FGF12: variants seen among roughly 807,000 people sequenced by gnomAD.
The protein encoded by FGF12 is fibroblast growth factor 12B.
A neutral mutation model predicts 23.6 loss-of-function variants in FGF12; 14 were observed. That is an observed-to-expected ratio of 0.59 (90% confidence interval 0.39 to 0.93). The LOEUF (loss-of-function observed/expected upper bound fraction) is 0.93, where lower values mean the gene tolerates loss of function less well. FGF12 is among the 40% of genes least tolerant of loss of function. The pLI, the probability that FGF12 is intolerant of heterozygous loss-of-function variation, is 0.00. For missense variants in FGF12, 175 were observed against 217.8 expected, an observed-to-expected ratio of 0.80 and a Z score of 1.24; for synonymous variants, 62 against 77.3, an observed-to-expected ratio of 0.80 and a Z score of 1.04.
intron 4 of FGF12, among the ~76,000 whole-genome samples, chr3:192,314,671 G>C (rs1435456102): frequency 6.6e-6 from 1 of 152,136 alleles, no homozygotes; most frequent in Non-Finnish European, 1.5e-5. Flanking sequence ...ATTGTTATGG[G>C]CATCACTTTC....
intron 4 of FGF12, among the ~76,000 whole-genome samples, chr3:192,242,029 A>G (rs537278712): frequency 1.3e-5 from 2 of 152,302 alleles, no homozygotes; most frequent in African/African-American, 4.8e-5. Context: ...TCAGAAAAAC[A>G]AATCACTGCA....
rs1312088229 is a variant in FGF12 at position 192,591,910 on chromosome 3, A to AT, written c.13+135270dup. ...CCACAAATAAAATTGGAAGCTAAGC[A>AT]TTTTTTTTCTTTTTTTGCCACAGTA... is the stretch of plus-strand genomic sequence containing the variant. On this transcript the variant is annotated intron_variant, in intron 2 of 5. Coordinates refer to ENST00000445105, the MANE Select transcript of FGF12 (RefSeq NM_004113.6). 7.9e-5 allele frequency among the ~76,000 whole-genome samples: 12 copies of AT among 151,478 alleles called. 1 individual carries two copies. Among genetic ancestry groups the AT allele is most frequent in the Non-Finnish European group, 1.2e-4 (8 of 67,788 alleles).
intron 2 of FGF12, among the ~76,000 whole-genome samples, chr3:192,537,870 A>G (rs2108574066): frequency 6.6e-6 from 1 of 150,998 alleles, no homozygotes; most frequent in East Asian, 1.9e-4. Context: ...ATTTTTGCCA[A>G]GAATAGTGTT....
intron 2 of FGF12, among the ~76,000 whole-genome samples, chr3:192,642,920 T>G (rs1715861215): frequency 6.6e-6 from 1 of 152,232 alleles, no homozygotes; most frequent in African/African-American, 2.4e-5. Context: ...GTCCTACTCT[T>G]TATTTCTTTC....
rs1360012108 is a variant in FGF12 at position 192,684,891 on chromosome 3, C to T, written c.13+42290G>A. On this transcript the variant is annotated intron_variant, in intron 2 of 5. Coordinates refer to ENST00000445105, the MANE Select transcript of FGF12 (RefSeq NM_004113.6). The stretch of plus-strand genomic sequence containing the variant: ...CCAGGGCAGATAGTAATAAACACAA[C>T]GTGGATGAGGGAGACTGACCTTGTT... Among the ~76,000 whole-genome samples, 3 of 152,122 alleles carry T rather than the reference C, an allele frequency of 2.0e-5. 1 individual carries two copies. Among genetic ancestry groups the T allele is most frequent in the South Asian group, 4.1e-4 (2 of 4,820 alleles).
At chr3:192,650,774 T>C (rs1317142071) in intron 2 of FGF12, among the ~76,000 whole-genome samples, 1 of 152,186 alleles carries the variant, frequency 6.6e-6, no homozygotes, top group Non-Finnish European at 1.5e-5. Context: ...TTTTAAAATA[T>C]ATAATAAAAT....
At chr3:192,249,718 C>A (rs1450085521) in intron 4 of FGF12, among the ~76,000 whole-genome samples, 2 of 152,078 alleles carry the variant, frequency 1.3e-5, no homozygotes, top group African/African-American at 4.8e-5. Flanking sequence ...AAGAACAAAC[C>A]CCTCTCTTCC....
intron 4 of FGF12, among the ~76,000 whole-genome samples, chr3:192,320,905 A>G (rs931267660): frequency 1.3e-5 from 2 of 152,046 alleles, no homozygotes; most frequent in African/African-American, 4.8e-5. Flanking sequence ...AAGAACTAAA[A>G]AAACAAGAGC....
chr3:192,541,763 C>G (rs1479474927), intron 2 of FGF12, among the ~76,000 whole-genome samples: 1 of 151,954 alleles, frequency 6.6e-6, no homozygotes, highest in Non-Finnish European at 1.5e-5. Flanking sequence ...CTTTATTTCT[C>G]CTTCATGCTT....
At chr3:192,390,638 A>G (rs1433163522) in intron 2 of FGF12, among the ~76,000 whole-genome samples, 2 of 152,202 alleles carry the variant, frequency 1.3e-5, no homozygotes, top group African/African-American at 4.8e-5. Flanking sequence ...GACCATGACC[A>G]TGCTAATTCA....
In FGF12 at chr3:192,369,871, C is replaced by T. The variant is rs183740169; in HGVS notation, c.14-9333G>A. On this transcript the variant is annotated intron_variant, in intron 2 of 5. Transcript: ENST00000445105. ...TCATAAATGAACAAATAAAATGCCA[C>T]GGAATCACAGAATGGGGATGCTAAT... Among the ~76,000 whole-genome samples, 191 of 152,150 alleles carry T rather than the reference C, an allele frequency of 1.3e-3. 1 individual carries two copies. The highest frequency in any genetic ancestry group is 4.1e-3 in the African/African-American group (169 of 41,524).
chr3:192,342,260 T>A (rs1001671841), intron 3 of FGF12, among the ~76,000 whole-genome samples: 1 of 152,168 alleles, frequency 6.6e-6, no homozygotes, highest in Non-Finnish European at 1.5e-5. Context: ...CATATTTTTA[T>A]AATTAAGCAT....
intron 4 of FGF12, among the ~76,000 whole-genome samples, chr3:192,291,126 CTTA>C (rs1331841115): frequency 2.0e-5 from 3 of 152,060 alleles, no homozygotes; most frequent in Non-Finnish European, 4.4e-5. Context: ...AATTGCTTTT[CTTA>C]TTATCTTCTG....
intron 2 of FGF12, among the ~76,000 whole-genome samples, chr3:192,385,558 A>ACC (rs71298512): frequency 0.012 from 1,877 of 150,326 alleles, 22 homozygotes; most frequent in Non-Finnish European, 0.019. Context: ...GAGAGAATTC[A>ACC]CCCCCCCCAG....
At chr3:192,357,924 C>T (rs1303642176) in intron 3 of FGF12, among the ~76,000 whole-genome samples, 1 of 151,988 alleles carries the variant, frequency 6.6e-6, no homozygotes, top group Non-Finnish European at 1.5e-5. Context: ...AACATAGAAA[C>T]AATGATTATA....
intron 2 of FGF12, among the ~76,000 whole-genome samples, chr3:192,687,993 T>C (rs1487970818): frequency 6.6e-6 from 1 of 152,082 alleles, no homozygotes; most frequent in East Asian, 1.9e-4. Flanking sequence ...CAACTGACCT[T>C]GGCTGCCACA....
At chr3:192,262,607 C>A (rs987760536) in intron 4 of FGF12, among the ~76,000 whole-genome samples, 1 of 152,054 alleles carries the variant, frequency 6.6e-6, no homozygotes, top group Admixed American at 6.6e-5. Flanking sequence ...GTATTCAGTA[C>A]CACACCATAT....
At chr3:192,549,126 A>G (rs1228850328) in intron 2 of FGF12, among the ~76,000 whole-genome samples, 1 of 152,200 alleles carries the variant, frequency 6.6e-6, no homozygotes, top group Non-Finnish European at 1.5e-5. Flanking sequence ...GATTTTTAAA[A>G]ATGCTATCAA....
intron 2 of FGF12, among the ~76,000 whole-genome samples, chr3:192,392,288 G>T (rs1239434590): frequency 1.3e-5 from 2 of 152,028 alleles, no homozygotes; most frequent in African/African-American, 4.8e-5. Context: ...CTGAACTAAG[G>T]CTGTGAGCAG....
Sources: allele counts gnomAD v4.1 joint callset (sites outside exome capture counted in the v4.1 genomes callset), GRCh38; gene constraint gnomAD v4.1.1; transcripts MANE v1.5; gene names NCBI Gene and HGNC (gene_info 2026-07-23, HGNC 2026-07-21).